KCNH1: variants seen among roughly 807,000 people sequenced by gnomAD.
KCNH1 encodes the protein potassium voltage-gated channel subfamily H member 1.
In KCNH1, 27 loss-of-function variants were observed where a neutral mutation model predicts 69.2. That is an observed-to-expected ratio of 0.39 (90% confidence interval 0.29 to 0.54). The LOEUF (loss-of-function observed/expected upper bound fraction) is 0.54. KCNH1 is among the 20% of genes least tolerant of loss of function. The pLI, the probability that KCNH1 is intolerant of heterozygous loss-of-function variation, is 0.68. For missense variants in KCNH1, 798 were observed against 1,261.6 expected (o/e 0.63, Z 5.57); for synonymous variants, 456 against 487.7 (o/e 0.93, Z 0.86).
At chr1:210,829,830 T>C (rs925838224) in intron 7 of KCNH1, among the ~76,000 whole-genome samples, 1 of 152,208 alleles carries the variant, frequency 6.6e-6, no homozygotes, top group African/African-American at 2.4e-5. Context: ...CAACTCCCCA[T>C]AGCATTTATT....
At chr1:210,901,391 C>T (rs1686992716) in intron 7 of KCNH1, among the ~76,000 whole-genome samples, 1 of 152,184 alleles carries the variant, frequency 6.6e-6, no homozygotes, top group Non-Finnish European at 1.5e-5. Flanking sequence ...CAACATCCTC[C>T]TCACAGGACT....
chr1:210,972,446 G>T (rs1688525975), intron 6 of KCNH1, among the ~76,000 whole-genome samples: 2 of 152,006 alleles, frequency 1.3e-5, no homozygotes, highest in South Asian at 4.1e-4. Flanking sequence ...TCTCTTTAAT[G>T]ATTTCAGTTG....
chr1:210,853,844 T>A (rs1685764051), intron 7 of KCNH1, among the ~76,000 whole-genome samples: 1 of 151,632 alleles, frequency 6.6e-6, no homozygotes, highest in Non-Finnish European at 1.5e-5. Flanking sequence ...CTGCCTCTTG[T>A]GAATTGTTTG....
intron 7 of KCNH1, among the ~76,000 whole-genome samples, chr1:210,906,666 T>C (rs550927870): frequency 1.3e-5 from 2 of 152,368 alleles, no homozygotes; most frequent in South Asian, 2.1e-4. Flanking sequence ...CGGGGGTTTA[T>C]GAGCTACATG....
intron 7 of KCNH1, among the ~76,000 whole-genome samples, chr1:210,880,432 C>T (rs1439444802): frequency 2.6e-5 from 4 of 152,242 alleles, no homozygotes; most frequent in Non-Finnish European, 5.9e-5. Context: ...CAGAAATAGA[C>T]ATACAAATAT....
At chr1:210,898,689 G>A (rs900313160) in intron 7 of KCNH1, among the ~76,000 whole-genome samples, 1 of 151,576 alleles carries the variant, frequency 6.6e-6, no homozygotes, top group Non-Finnish European at 1.5e-5. Context: ...GGCGGGGGGG[G>A]GTCCTGTCAA....
chr1:210,686,195 C>T (rs1407100667), intron 10 of KCNH1, among the ~76,000 whole-genome samples: 2 of 152,326 alleles, frequency 1.3e-5, no homozygotes, highest in East Asian at 3.9e-4. Context: ...CTAAAGGCCT[C>T]ATGGGGGATG....
chr1:210,709,172 C>A (rs573207973), intron 10 of KCNH1, among the ~76,000 whole-genome samples: 1 of 152,292 alleles, frequency 6.6e-6, no homozygotes, highest in Admixed American at 6.5e-5. Flanking sequence ...TTATTTAAAC[C>A]CAGGAGGCAG....
chr1:210,754,081 AT>A (rs887829272), intron 10 of KCNH1, among the ~76,000 whole-genome samples: 56 of 146,114 alleles, frequency 3.8e-4, no homozygotes, highest in Non-Finnish European at 3.8e-4. Context: ...CGCCTGGCTA[AT>A]TTTTTTTTTT....
At chr1:210,960,959 T>A (rs1168753410) in intron 6 of KCNH1, among the ~76,000 whole-genome samples, 1 of 152,226 alleles carries the variant, frequency 6.6e-6, no homozygotes, top group Non-Finnish European at 1.5e-5. Context: ...TAGTGGTTTC[T>A]TGTAGTTTTA....
chr1:211,035,429 T>C (rs865961767), intron 5 of KCNH1, among the ~76,000 whole-genome samples: 7 of 150,886 alleles, frequency 4.6e-5, no homozygotes, highest in African/African-American at 1.7e-4. Flanking sequence ...TTTGTATTTT[T>C]AGTAGAGACG....
intron 8 of KCNH1, among the ~76,000 whole-genome samples, chr1:210,798,238 A>G (rs552409437): frequency 1.3e-5 from 2 of 151,992 alleles, no homozygotes; most frequent in Non-Finnish European, 2.9e-5. Flanking sequence ...AAGGGGTTTC[A>G]TCATGTTAGC....
At chr1:210,996,290 G>C (rs1282234366) in intron 6 of KCNH1, among the ~76,000 whole-genome samples, 1 of 152,128 alleles carries the variant, frequency 6.6e-6, no homozygotes, top group Admixed American at 6.6e-5. Flanking sequence ...CACCCTAATA[G>C]TGCGCTTTTC....
At chr1:211,073,539 TAA>T (rs750363835) in intron 5 of KCNH1, among the ~76,000 whole-genome samples, 3 of 152,162 alleles carry the variant, frequency 2.0e-5, no homozygotes, top group Non-Finnish European at 4.4e-5. Context: ...ACAGTGGAAT[TAA>T]ACTAGAAATC....
At chr1:210,971,671 G>A (rs1343304947) in intron 6 of KCNH1, among the ~76,000 whole-genome samples, 1 of 150,528 alleles carries the variant, frequency 6.6e-6, no homozygotes, top group African/African-American at 2.5e-5. Context: ...AATCAGCGAT[G>A]GAAAAGGTAT....
At chr1:210,697,334 G>A (rs1297689231) in intron 10 of KCNH1, among the ~76,000 whole-genome samples, 1 of 152,204 alleles carries the variant, frequency 6.6e-6, no homozygotes, top group South Asian at 2.1e-4. Context: ...GCTAGGACAT[G>A]AACTGAACTC....
rs1691918076 is a variant in KCNH1, at chr1:211,133,643, G to T, written c.79+224C>A. On this transcript the variant is annotated intron_variant, in intron 1 of 10. Transcript: ENST00000271751. This position sits in a 1 kb window ranked among gnomAD's most constrained non-coding sequence, Gnocchi z 5.4. ...AGAGGGCGCTAGAAAGGCCCAAAAG[G>T]CGTCCCCAGAAGAGCTCTCCTGTTA... 6.6e-6 allele frequency among the ~76,000 whole-genome samples: 1 copy of T among 152,098 alleles called. No individual in the cohort carries two copies. The highest frequency in any genetic ancestry group is 1.5e-5 in the Non-Finnish European group (1 of 67,996).
At chr1:210,715,587 AC>A (rs1406615314) in intron 10 of KCNH1, among the ~76,000 whole-genome samples, 2 of 152,134 alleles carry the variant, frequency 1.3e-5, no homozygotes, top group African/African-American at 4.8e-5. Flanking sequence ...TTTCATAAAA[AC>A]ATCCCCAGAA....
chr1:211,054,298 A>G (rs1690264397), intron 5 of KCNH1, among the ~76,000 whole-genome samples: 2 of 152,044 alleles, frequency 1.3e-5, no homozygotes, highest in Admixed American at 6.5e-5. Flanking sequence ...GAAAAAAAAA[A>G]TTAAAATTAA....
Sources: gnomAD v4.1 joint callset for allele counts (sites outside exome capture counted in the v4.1 genomes callset) on GRCh38, gnomAD v4.1.1 for gene constraint, Gnocchi (gnomAD v3.1) non-coding constraint, MANE v1.5 for transcripts, NCBI Gene and HGNC (gene_info 2026-07-23, HGNC 2026-07-21) for gene names.